The following PIKFYVE variants were observed in gnomAD, a reference collection of about 807,000 sequenced individuals.
PIKFYVE encodes the protein phosphoinositide kinase, FYVE-type zinc finger containing.
In PIKFYVE, 122 loss-of-function variants were observed where a neutral mutation model predicts 257.9. The ratio of observed to expected loss-of-function variants is 0.47; its 90% CI spans 0.41 to 0.55. The LOEUF is 0.55. Ranked by LOEUF, PIKFYVE falls within the 20% of genes least tolerant of loss-of-function variation. PIKFYVE has a pLI of 0.00. For synonymous variants in PIKFYVE, 892 were observed against 868.9 expected (o/e 1.03, Z -0.47); for missense variants, 2,160 against 2,536.6 (o/e 0.85, Z 3.19).
intron 12 of PIKFYVE, among the ~76,000 whole-genome samples, chr2:208,305,774 T>C (rs1417446868): frequency 1.3e-5 from 2 of 152,204 alleles, no homozygotes; most frequent in African/African-American, 4.8e-5. Flanking sequence ...TATCATGGGA[T>C]TGTGTAAAAG....
intron 12 of PIKFYVE, among the ~76,000 whole-genome samples, chr2:208,306,403 G>A (rs1488934300): frequency 2.0e-5 from 3 of 152,208 alleles, no homozygotes; most frequent in Non-Finnish European, 4.4e-5. Context: ...TGGGTCAGGG[G>A]CACACAGATG....
chr2:208,316,383 T>C (rs1398529971), intron 15 of PIKFYVE, among the ~76,000 whole-genome samples: 3 of 152,074 alleles, frequency 2.0e-5, no homozygotes, highest in Non-Finnish European at 4.4e-5. Flanking sequence ...GTCCTTTGGG[T>C]ATATACCCAG....
rs1305123608 is a variant in PIKFYVE, at chr2:208,351,326, A to G, written c.5612-26A>G. 5 of 1,473,462 alleles carry G rather than the reference A, an allele frequency of 3.4e-6. No homozygotes were observed. The Admixed American group carries it at 8.4e-5, about 25-fold the overall frequency. The allele number at this position is 1,473,462 out of a possible 1,614,324, so 91.3% of individuals were successfully genotyped here. ...ATTACAGTATATATTGTGATTGAGT[A>G]AACACATAAAATTTCTGCCTTTTAG... On this transcript the variant is annotated intron_variant, in intron 37 of 41. Transcript: ENST00000264380.
At chr2:208,285,386 C>T (rs1559055867) in intron 5 of PIKFYVE, among the ~76,000 whole-genome samples, 2 of 152,308 alleles carry the variant, frequency 1.3e-5, no homozygotes, top group Admixed American at 6.5e-5. Context: ...TGAGCCACCA[C>T]GTCTGGCCTG....
chr2:208,323,435 T>C (rs748459225), intron 17 of PIKFYVE, among the ~76,000 whole-genome samples: 1 of 152,032 alleles, frequency 6.6e-6, no homozygotes, highest in Non-Finnish European at 1.5e-5. Context: ...ACAAAGGACA[T>C]GAACTCATCC....
chr2:208,339,607 T>G (rs759412525), intron 30 of PIKFYVE, 52 bp downstream of exon 30: 1 of 1,596,130 alleles, frequency 6.3e-7, no homozygotes, highest in African/African-American at 1.3e-5. Context: ...GACTGAAAGA[T>G]ATATCATTGA....
At position 208,358,260 on chromosome 2, in the gene PIKFYVE, G is replaced by A. The variant is rs1700270573; in HGVS notation, c.*2955G>A. 6.6e-6 allele frequency: 1 copy of A among 152,610 alleles called. No homozygotes were observed. Among genetic ancestry groups the A allele is most frequent in the African/African-American group, 2.4e-5 (1 of 41,424 alleles). The allele number at this position is 152,610 out of a possible 1,614,324, so 9.5% of individuals were successfully genotyped here. ...TGCCAAGGAAAGTAATTACCTGTAG[G>A]AGTTTGCTGAGCTTGAAGAGTGAAA... is the stretch of plus-strand genomic sequence containing the variant. On this transcript the variant is annotated 3_prime_UTR_variant, in exon 42 of 42. Coordinates refer to ENST00000264380, the MANE Select transcript of PIKFYVE (RefSeq NM_015040.4).
At chr2:208,322,870 C>T (rs1463347382) in intron 17 of PIKFYVE, among the ~76,000 whole-genome samples, 6 of 137,514 alleles carry the variant, frequency 4.4e-5, no homozygotes, top group Non-Finnish European at 7.8e-5. Flanking sequence ...GACAGGCCCC[C>T]GTGTATGATG....
intron 38 of PIKFYVE, 67 bp from the exon 39 acceptor site, chr2:208,352,587 T>C: frequency 6.5e-7 from 1 of 1,547,416 alleles, no homozygotes; most frequent in Non-Finnish European, 8.9e-7. Context: ...TGGATAATCC[T>C]TATATTGGTA....
chr2:208,279,532 G>A lies in PIKFYVE; in HGVS notation c.613+1824G>A, dbSNP rs576942231. On this transcript the variant is annotated intron_variant, in intron 5 of 41. Transcript: ENST00000264380. ...TTCTTCTAGGACTTTCATAGTTTGAGGTCTTATATTTAAATCTTTAATCCA... is the reference window on the plus strand; with the variant it reads ...TTCTTCTAGGACTTTCATAGTTTGAAGTCTTATATTTAAATCTTTAATCCA... 2.6e-5 allele frequency among the ~76,000 whole-genome samples: 4 copies of A among 152,232 alleles called. No individual in the cohort carries two copies. In the East Asian group the frequency reaches 5.8e-4, roughly 22 times the overall value.
intron 1 of PIKFYVE, among the ~76,000 whole-genome samples, chr2:208,270,928 C>CA (rs1472360457): frequency 1.3e-5 from 2 of 151,352 alleles, no homozygotes; most frequent in Non-Finnish European, 2.9e-5. Flanking sequence ...CCCAGCTACT[C>CA]AGGAGGCTGA....
At chr2:208,269,056 T>A (rs1689067579) in intron 1 of PIKFYVE, among the ~76,000 whole-genome samples, 2 of 152,176 alleles carry the variant, frequency 1.3e-5, no homozygotes, top group Admixed American at 1.3e-4. Context: ...GTACCTTGGT[T>A]GCCTCAAAGG....
At chr2:208,323,918 G>A (rs1166935251) in intron 17 of PIKFYVE, among the ~76,000 whole-genome samples, 1 of 151,622 alleles carries the variant, frequency 6.6e-6, no homozygotes, top group African/African-American at 2.4e-5. Flanking sequence ...CTTTTGAGAA[G>A]TGTCTGTTCA....
At chr2:208,336,817 A>ATC in intron 27 of PIKFYVE, 21 bp from the exon 28 acceptor site, 1 of 1,522,722 alleles carries the variant, frequency 6.6e-7, no homozygotes, top group Non-Finnish European at 9.1e-7. Context: ...ATATATATAT[A>ATC]TTTTTTGCTT....
Position 208,333,382 on chromosome 2 carries a change from G to A in PIKFYVE, c.4031G>A (p.Arg1344Lys), listed in dbSNP as rs780027612. ...TCATTTGCAAAATACCTTGAACTTA[G>A]GTTTTATGGGCACCAGTATACTCGC... ...SMSFAKYLEL[R>K]FYGHQYTRRA... Residue 1344 changes from arginine (R) to lysine (K), a missense_variant, in exon 24 of 42, where the codon AGG becomes AAG. Transcript: ENST00000264380. The A allele has an allele frequency of 6.2e-7, 1 of 1,614,046 alleles. No individual in the cohort carries two copies.
intron 15 of PIKFYVE, among the ~76,000 whole-genome samples, chr2:208,316,369 T>G (rs1310267693): frequency 1.3e-5 from 2 of 152,080 alleles, no homozygotes; most frequent in Non-Finnish European, 1.5e-5. Flanking sequence ...CAGCATGATT[T>G]ATAGTCCTTT....
chr2:208,304,753 A>G, intron 11 of PIKFYVE, 93 bp from the exon 12 acceptor site: 2 of 1,292,178 alleles, frequency 1.5e-6, no homozygotes. Flanking sequence ...TATATTAAAA[A>G]AACATTTTTC....
At chr2:208,305,088 C>T (rs1694164240) in intron 12 of PIKFYVE, 75 bp downstream of exon 12, 1 of 1,598,374 alleles carries the variant, frequency 6.3e-7, no homozygotes, top group South Asian at 1.1e-5. Context: ...CCAGCCTGTC[C>T]TTCTGGCTTC....
chr2:208,337,430 A>T (rs1030304930), intron 28 of PIKFYVE, among the ~76,000 whole-genome samples: 1 of 152,064 alleles, frequency 6.6e-6, no homozygotes, highest in Non-Finnish European at 1.5e-5. Context: ...AGATATATCT[A>T]TATAGATATT....
Sources: gnomAD v4.1 joint callset for allele counts (sites outside exome capture counted in the v4.1 genomes callset) on GRCh38, gnomAD v4.1.1 for gene constraint, MANE v1.5 for transcripts, NCBI Gene and HGNC (gene_info 2026-07-23, HGNC 2026-07-21) for gene names.